SIMC1: variants seen among roughly 807,000 people sequenced by gnomAD.
The protein encoded by SIMC1 is SUMO interacting motifs containing 1.
A neutral mutation model predicts 82.3 loss-of-function variants in SIMC1; 55 were observed. The ratio of observed to expected loss-of-function variants is 0.67; its 90% CI spans 0.54 to 0.84. The LOEUF is 0.84. Among genes scored for constraint, SIMC1 ranks in the 40% least tolerant of loss-of-function variants. SIMC1 has a pLI of 0.00. For synonymous variants in SIMC1, 353 were observed against 426.3 expected (o/e 0.83, Z 2.12); for missense variants, 915 against 1,107.2 (o/e 0.83, Z 2.46).
chr5:176,296,082 A>T, intron 3 of SIMC1, 169 bp from the exon 4 acceptor site: 1 of 1,256,396 alleles, frequency 8.0e-7, no homozygotes, highest in Non-Finnish European at 1.1e-6. Context: ...AGCAAAAAAC[A>T]ATGAAGTTCC....
intron 5 of SIMC1, among the ~76,000 whole-genome samples, chr5:176,315,474 A>G (rs1405084955): frequency 1.3e-5 from 2 of 152,214 alleles, no homozygotes; most frequent in East Asian, 3.8e-4. Context: ...TCAAAGCTGT[A>G]TCAGATGGGT....
chr5:176,248,514 C>G (rs1021961507), intron 1 of SIMC1, among the ~76,000 whole-genome samples: 1 of 152,058 alleles, frequency 6.6e-6, no homozygotes, highest in Non-Finnish European at 1.5e-5. Context: ...TAGGCTGAGA[C>G]GATAGTGTTT....
intron 1 of SIMC1, among the ~76,000 whole-genome samples, chr5:176,273,182 A>G (rs952208791): frequency 2.6e-5 from 4 of 152,230 alleles, no homozygotes; most frequent in African/African-American, 9.6e-5. Flanking sequence ...GGCACCTCCC[A>G]GTAGAGGCTG....
At chr5:176,298,870 C>G (rs913727425) in intron 4 of SIMC1, among the ~76,000 whole-genome samples, 2 of 151,816 alleles carry the variant, frequency 1.3e-5, no homozygotes, top group Non-Finnish European at 2.9e-5. Context: ...CAAAAAAAAT[C>G]AATGAAAAAT....
At chr5:176,309,435 A>G (rs1390597928) in intron 4 of SIMC1, among the ~76,000 whole-genome samples, 1 of 152,242 alleles carries the variant, frequency 6.6e-6, no homozygotes, top group Non-Finnish European at 1.5e-5. Context: ...AAAAAGCCAC[A>G]GGAGAAAAAT....
At chr5:176,248,084 A>C (rs989170381) in intron 1 of SIMC1, among the ~76,000 whole-genome samples, 2 of 152,026 alleles carry the variant, frequency 1.3e-5, no homozygotes, top group African/African-American at 4.8e-5. Context: ...TGTCTTGGCT[A>C]TATGGGCTCT....
chr5:176,308,591 A>G, intron 4 of SIMC1: 1 of 1,585,474 alleles, frequency 6.3e-7, no homozygotes, highest in Non-Finnish European at 8.7e-7. Flanking sequence ...TCCAATCCAT[A>G]CAGGCCCAAA....
intron 1 of SIMC1, among the ~76,000 whole-genome samples, chr5:176,284,100 C>A (rs1351891454): frequency 1.3e-5 from 2 of 151,980 alleles, no homozygotes; most frequent in Non-Finnish European, 2.9e-5. Flanking sequence ...CCCACTGTCA[C>A]CATTAGACAG....
At chr5:176,278,258 G>A (rs1443037706) in intron 1 of SIMC1, among the ~76,000 whole-genome samples, 236 of 62,222 alleles carry the variant, frequency 3.8e-3, no homozygotes, top group African/African-American at 9.1e-3. Context: ...TTTGTCTGTC[G>A]TTGGTGTATA....
At chr5:176,298,211 C>T (rs1442762231) in intron 4 of SIMC1, among the ~76,000 whole-genome samples, 1 of 152,230 alleles carries the variant, frequency 6.6e-6, no homozygotes, top group African/African-American at 2.4e-5. Context: ...TCTCCCTCCC[C>T]AGCAAAGCAT....
intron 1 of SIMC1, among the ~76,000 whole-genome samples, chr5:176,282,601 C>T (rs1279750975): frequency 2.6e-5 from 4 of 152,190 alleles, no homozygotes; most frequent in Admixed American, 2.6e-4. Flanking sequence ...GCTGAAAATT[C>T]TAAAAGTCAG....
intron 1 of SIMC1, among the ~76,000 whole-genome samples, chr5:176,253,947 A>G (rs1420623740): frequency 6.6e-6 from 1 of 152,184 alleles, no homozygotes; most frequent in Non-Finnish European, 1.5e-5. Context: ...GAACTAGGTG[A>G]CACCTTTTGT....
rs542511592 is a variant in SIMC1 at position 176,313,382 on chromosome 5, T to C, written c.1735-309T>C. On this transcript the variant is annotated intron_variant, in intron 4 of 9. Transcript: ENST00000429602. ...ACAATCCTAGAGATTCCAGTAGATA[T>C]CTGATTGCAGCTTAGGTGTTAGAAA... 23 of 1,532,190 alleles carry C rather than the reference T, an allele frequency of 1.5e-5. No homozygotes were observed. In the Admixed American group the frequency reaches 2.8e-4, roughly 19 times the overall value. The allele number at this position is 1,532,190 out of a possible 1,614,324, so 94.9% of individuals were successfully genotyped here. A position where few individuals can be genotyped will look rare whatever the true frequency, so the allele number is the denominator to read the frequency against.
chr5:176,249,444 C>T (rs926877634), intron 1 of SIMC1, among the ~76,000 whole-genome samples: 3 of 151,876 alleles, frequency 2.0e-5, no homozygotes, highest in East Asian at 1.9e-4. Context: ...GGATCAGTGG[C>T]GATATCCCCT....
intron 2 of SIMC1, among the ~76,000 whole-genome samples, chr5:176,292,558 T>G (rs1193894887): frequency 6.6e-6 from 1 of 152,158 alleles, no homozygotes; most frequent in South Asian, 2.1e-4. Context: ...CTTTTTTTTT[T>G]GGGACAGAGT....
intron 5 of SIMC1, among the ~76,000 whole-genome samples, chr5:176,321,003 C>T (rs1249161158): frequency 6.6e-6 from 1 of 152,164 alleles, no homozygotes; most frequent in Non-Finnish European, 1.5e-5. Context: ...TACCTCACCC[C>T]TCATCCATCA....
At chr5:176,312,712 A>G (rs921677992) in intron 4 of SIMC1, among the ~76,000 whole-genome samples, 3 of 152,216 alleles carry the variant, frequency 2.0e-5, no homozygotes, top group Admixed American at 1.3e-4. Context: ...TTAGTTTCCT[A>G]CTGACTGAAT....
At chr5:176,274,644 A>C (rs1762600188) in intron 1 of SIMC1, among the ~76,000 whole-genome samples, 1 of 151,882 alleles carries the variant, frequency 6.6e-6, no homozygotes, top group South Asian at 2.1e-4. Flanking sequence ...TTTAGGTCTA[A>C]CATTTAAGTC....
chr5:176,332,834 A>G (rs1765724490), intron 7 of SIMC1, among the ~76,000 whole-genome samples: 1 of 152,204 alleles, frequency 6.6e-6, no homozygotes, highest in Admixed American at 6.5e-5. Flanking sequence ...ACAGTATCAC[A>G]ACCAGGATAT....
Sources: allele counts gnomAD v4.1 joint callset (sites outside exome capture counted in the v4.1 genomes callset), GRCh38; gene constraint gnomAD v4.1.1; transcripts MANE v1.5; gene names NCBI Gene and HGNC (gene_info 2026-07-23, HGNC 2026-07-21).